The following IHO1 variants were observed in gnomAD, a reference collection of about 807,000 sequenced individuals.
IHO1 encodes interactor of HORMAD1 protein 1.
A neutral mutation model predicts 31.0 loss-of-function variants in IHO1; 13 were observed. The ratio of observed to expected loss-of-function variants is 0.42; its 90% confidence interval spans 0.27 to 0.67. The LOEUF (loss-of-function observed/expected upper bound fraction) is 0.67. Among genes scored for constraint, IHO1 ranks in the 30% least tolerant of loss-of-function variants. The pLI is 0.24. For synonymous variants in IHO1, 221 were observed against 248.4 expected (o/e 0.89, Z 1.04); for missense variants, 599 against 687.5 (o/e 0.87, Z 1.44).
chr3:49,195,133 G>T (rs1393915001), upstream of IHO1, among the ~76,000 whole-genome samples: 3 of 151,794 alleles, frequency 2.0e-5, no homozygotes, highest in Non-Finnish European at 4.4e-5. Flanking sequence ...AAAATAAAAA[G>T]CATGGGCTGG....
At chr3:49,245,886 T>C in intron 6 of IHO1, 1 of 152,162 alleles carries the variant, frequency 6.6e-6, no homozygotes, top group Admixed American at 6.6e-5. Context: ...TGCATCTGTT[T>C]AGAAACTTGT....
intron 2 of IHO1, among the ~76,000 whole-genome samples, chr3:49,217,628 A>G (rs2046305065): frequency 7.1e-6 from 1 of 141,446 alleles, no homozygotes; most frequent in Non-Finnish European, 1.5e-5. Context: ...TGTACCCTAG[A>G]ACTTAAAGTA....
intron 2 of IHO1, among the ~76,000 whole-genome samples, chr3:49,228,023 A>G (rs2046436284): frequency 6.6e-6 from 1 of 152,180 alleles, no homozygotes; most frequent in Non-Finnish European, 1.5e-5. Flanking sequence ...TTATTACAAG[A>G]GAAACTAGAA....
chr3:49,251,867 G>A (rs898420140), intron 6 of IHO1, among the ~76,000 whole-genome samples: 16 of 152,070 alleles, frequency 1.1e-4, no homozygotes, highest in African/African-American at 3.9e-4. Flanking sequence ...CACCCGAAGT[G>A]CTGGGATTAC....
chr3:49,228,370 G>A, intron 2 of IHO1: 1 of 447,376 alleles, frequency 2.2e-6, no homozygotes, highest in Non-Finnish European at 4.5e-6. Flanking sequence ...TTCCTAGAAA[G>A]CCTGACAGCC....
chr3:49,201,932 C>T (rs947295016), intron 1 of IHO1, among the ~76,000 whole-genome samples: 1 of 152,042 alleles, frequency 6.6e-6, no homozygotes, highest in Non-Finnish European at 1.5e-5. Flanking sequence ...GGAAAGAAAA[C>T]CATATATTTT....
chr3:49,209,967 T>C, intron 1 of IHO1, among the ~76,000 whole-genome samples: 1 of 151,690 alleles, frequency 6.6e-6, no homozygotes, highest in Admixed American at 6.6e-5. Context: ...CCACTTGCCT[T>C]GGCCTCCCAA....
rs769166452 is a variant in IHO1, at chr3:49,244,466, C to A, written c.444+14C>A. The A allele has an allele frequency of 3.9e-6, 6 of 1,524,334 alleles. No individual in the cohort carries two copies. In the East Asian group the frequency reaches 1.4e-4, roughly 34 times the overall value. The allele number at this position is 1,524,334 out of a possible 1,614,324, so 94.4% of individuals were successfully genotyped here. A position where few individuals can be genotyped will look rare whatever the true frequency, so the allele number is the denominator to read the frequency against. On this transcript the variant is annotated intron_variant, in intron 5 of 7. Transcript: ENST00000452691. Reference sequence around the variant, plus strand: ...AGCATTCTCAGGGTAAGTACAGATACTTTTCAAGGAGTTAGAACATCTTAT... The same window carrying A: ...AGCATTCTCAGGGTAAGTACAGATAATTTTCAAGGAGTTAGAACATCTTAT...
At chr3:49,249,848 T>A (rs1305234962) in intron 6 of IHO1, among the ~76,000 whole-genome samples, 1 of 152,190 alleles carries the variant, frequency 6.6e-6, no homozygotes, top group African/African-American at 2.4e-5. Context: ...TAGGCTCTCA[T>A]CAGCACCTGA....
At chr3:49,224,146 T>G (rs182686062) in intron 2 of IHO1, among the ~76,000 whole-genome samples, 152 of 152,336 alleles carry the variant, frequency 1.0e-3, no homozygotes, top group African/African-American at 3.5e-3. Context: ...TTCCTTCTTC[T>G]GTTGTTAACC....
Position 49,256,175 on chromosome 3 carries a change from C to T in IHO1, c.678C>T (p.His226=), listed in dbSNP as rs2046818846. The T allele has an allele frequency of 8.7e-6, 14 of 1,613,408 alleles. No individual in the cohort carries two copies. In the East Asian group the frequency reaches 3.1e-4, roughly 36 times the overall value. Residue 226 remains histidine (H), a synonymous_variant, in exon 8 of 8, where the codon CAC becomes CAT. Transcript: ENST00000452691. The surrounding 1 kb of genome is among the most constrained non-coding windows in gnomAD (Gnocchi z 4.6). ...EFIEMKSNLK[H]LEVLVAQQSQ... ...TAGAAATGAAGTCCAACCTGAAGCA[C>T]CTTGAAGTTTTAGTTGCTCAGCAGA...
Position 49,249,254 on chromosome 3 carries a change from C to T in IHO1, c.532+4521C>T, listed in dbSNP as rs368027261. On this transcript the variant is annotated intron_variant, in intron 6 of 7. Transcript: ENST00000452691. Reference sequence around the variant, plus strand: ...GTCTGGTGATAAATTATAAAAAGAACTAGAAGAAAACATGGACAACATTTT... The same window carrying T: ...GTCTGGTGATAAATTATAAAAAGAATTAGAAGAAAACATGGACAACATTTT... Among the ~76,000 whole-genome samples the T allele has an allele frequency of 1.2e-4, 18 of 152,048 alleles. No individual in the cohort carries two copies. In the East Asian group the frequency reaches 2.5e-3, roughly 21 times the overall value.
At chr3:49,250,980 C>T (rs1238277068) in intron 6 of IHO1, among the ~76,000 whole-genome samples, 3 of 151,804 alleles carry the variant, frequency 2.0e-5, no homozygotes, top group South Asian at 2.1e-4. Flanking sequence ...GCCAAGATCG[C>T]GCCACTGCAC....
Position 49,241,342 on chromosome 3 carries a change from G to A in IHO1, c.348G>A (p.Leu116=). The A allele has an allele frequency of 6.2e-7, 1 of 1,613,302 alleles. No individual in the cohort carries two copies. Among genetic ancestry groups the A allele is most frequent in the South Asian group, 1.1e-5 (1 of 90,960 alleles). Residue 116 remains leucine (L), a synonymous_variant, in exon 4 of 8, where the codon TTG becomes TTA. Transcript: ENST00000452691. ...PLSVGKSKGL[L]EQFEEKKKRA... is the part of the protein sequence containing the mutation. ...CAGTTGGAAAATCAAAAGGCCTCTTGGAACAGTTTGAGGAGAAAAAGAAAA... is the reference window on the plus strand; with the variant it reads ...CAGTTGGAAAATCAAAAGGCCTCTTAGAACAGTTTGAGGAGAAAAAGAAAA...
In IHO1 at chr3:49,257,764, T is replaced by A. The variant is rs2046842459; in HGVS notation, c.*482T>A. 6.3e-6 allele frequency: 1 copy of A among 157,772 alleles called. No homozygotes were observed. Among genetic ancestry groups the A allele is most frequent in the South Asian group, 1.9e-4 (1 of 5,258 alleles). The allele number at this position is 157,772 out of a possible 1,614,324, so 9.8% of individuals were successfully genotyped here. ...TTTTTAGCCACTTATGCTACCAGAA[T>A]GTTTGCATTTTTTGATCAGTAGACA... On this transcript the variant is annotated 3_prime_UTR_variant, in exon 8 of 8. Transcript: ENST00000452691.
intron 4 of IHO1, among the ~76,000 whole-genome samples, chr3:49,243,615 G>A (rs1466896647): frequency 7.3e-5 from 11 of 151,392 alleles, no homozygotes; most frequent in Non-Finnish European, 1.5e-4. Context: ...AAAATTAGCC[G>A]GGCGTGGTGG....
chr3:49,254,343 A>T (rs2046798356), intron 6 of IHO1, among the ~76,000 whole-genome samples: 1 of 152,134 alleles, frequency 6.6e-6, no homozygotes, highest in Admixed American at 6.6e-5. Context: ...GAGGAAAATC[A>T]ATCAGTCCTG....
At chr3:49,215,223 G>T (rs902379617) in intron 2 of IHO1, among the ~76,000 whole-genome samples, 3 of 151,708 alleles carry the variant, frequency 2.0e-5, no homozygotes, top group South Asian at 2.1e-4. Flanking sequence ...GCTAATTTTT[G>T]TTTTTTTGTA....
intron 4 of IHO1, among the ~76,000 whole-genome samples, chr3:49,243,599 A>C (rs1187470291): frequency 1.3e-5 from 2 of 151,626 alleles, no homozygotes; most frequent in African/African-American, 4.8e-5. Flanking sequence ...TCTACTAAAA[A>C]TTCAAAAAAT....
Sources: gnomAD v4.1 joint callset for allele counts (sites outside exome capture counted in the v4.1 genomes callset) on GRCh38, gnomAD v4.1.1 for gene constraint, Gnocchi (gnomAD v3.1) non-coding constraint, MANE v1.5 for transcripts, NCBI Gene and HGNC (gene_info 2026-07-23, HGNC 2026-07-21) for gene names.